Variants in MTHFD2L observed in about 807,000 individuals in gnomAD.
MTHFD2L encodes the protein bifunctional methylenetetrahydrofolate dehydrogenase/cyclohydrolase 2, mitochondrial.
Under a neutral mutation model 34.9 loss-of-function variants are expected in MTHFD2L, and 29 were observed. The observed-to-expected ratio is 0.83, with a 90% CI of 0.62 to 1.13. The LOEUF (loss-of-function observed/expected upper bound fraction) is 1.13. Ranked by LOEUF, MTHFD2L falls within the 50% of genes most tolerant of loss-of-function variation. MTHFD2L has a pLI of 0.00. For missense variants in MTHFD2L, 481 were observed against 446.5 expected (o/e 1.08, Z -0.70); for synonymous variants, 167 against 155.7 (o/e 1.07, Z -0.54).
At chr4:74,134,920 G>A (rs903913602) in intron 1 of MTHFD2L, among the ~76,000 whole-genome samples, 4 of 151,214 alleles carry the variant, frequency 2.6e-5, no homozygotes, top group Admixed American at 2.6e-4. Flanking sequence ...ACAGAGGAGA[G>A]AAAAGAAAAA....
intron 6 of MTHFD2L, among the ~76,000 whole-genome samples, chr4:74,257,008 T>C (rs1018011615): frequency 6.6e-6 from 1 of 152,208 alleles, no homozygotes; most frequent in Non-Finnish European, 1.5e-5. Flanking sequence ...ATGACATTGG[T>C]AGTTTCATAG....
At chr4:74,284,524 GTTGT>G (rs1465857193) in intron 7 of MTHFD2L, among the ~76,000 whole-genome samples, 6 of 151,324 alleles carry the variant, frequency 4.0e-5, no homozygotes, top group Admixed American at 1.3e-4. Context: ...TGTTGATGGG[GTTGT>G]TTGTTTTTTT....
chr4:74,221,883 A>G (rs1048371727), intron 5 of MTHFD2L, among the ~76,000 whole-genome samples: 5 of 151,668 alleles, frequency 3.3e-5, no homozygotes, highest in African/African-American at 1.2e-4. Context: ...ATTATATAGT[A>G]CTCTTAATTC....
At chr4:74,209,783 A>G (rs568082644) in intron 5 of MTHFD2L, among the ~76,000 whole-genome samples, 4 of 152,178 alleles carry the variant, frequency 2.6e-5, no homozygotes, top group Admixed American at 6.5e-5. Flanking sequence ...GTCTTCCACA[A>G]TGGTTGAACT....
At chr4:74,192,099 CT>C (rs1254062592) in intron 3 of MTHFD2L, among the ~76,000 whole-genome samples, 1 of 151,840 alleles carries the variant, frequency 6.6e-6, no homozygotes, top group Non-Finnish European at 1.5e-5. Flanking sequence ...AATTTCTGTC[CT>C]TTTGAGTAGC....
At chr4:74,129,189 C>A (rs1390844636) in intron 1 of MTHFD2L, among the ~76,000 whole-genome samples, 1 of 151,638 alleles carries the variant, frequency 6.6e-6, no homozygotes, top group Non-Finnish European at 1.5e-5. Flanking sequence ...AACTAAAAAA[C>A]AAAACTGTTC....
intron 7 of MTHFD2L, among the ~76,000 whole-genome samples, chr4:74,297,302 C>G (rs767917760): frequency 1.3e-5 from 2 of 152,052 alleles, no homozygotes; most frequent in Non-Finnish European, 2.9e-5. Context: ...TTATTTGTCT[C>G]AATTGTCAAA....
chr4:74,237,013 A>G (rs1578569983), intron 6 of MTHFD2L, among the ~76,000 whole-genome samples: 1 of 152,208 alleles, frequency 6.6e-6, no homozygotes, highest in Non-Finnish European at 1.5e-5. Context: ...ATGCCTTTAC[A>G]TTTTGTAAAA....
In MTHFD2L at chr4:74,258,654, A is replaced by G. The variant is rs373870770; in HGVS notation, c.806-22771A>G. On this transcript the variant is annotated intron_variant, in intron 6 of 7. Coordinates refer to ENST00000325278, the MANE Select transcript of MTHFD2L (RefSeq NM_001144978.3). ...TCAAGGGATGACTGTATATACACAC[A>G]CATAAAATTTATGGAATCGATACAA... Among the ~76,000 whole-genome samples the G allele has an allele frequency of 3.9e-4, 59 of 152,278 alleles. 2 individuals are homozygous for G. Among genetic ancestry groups the G allele is most frequent in the African/African-American group, 1.4e-3 (57 of 41,568 alleles).
At chr4:74,171,403 A>G (rs187487742) in intron 1 of MTHFD2L, among the ~76,000 whole-genome samples, 9 of 152,356 alleles carry the variant, frequency 5.9e-5, no homozygotes, top group African/African-American at 1.4e-4. Flanking sequence ...AAGGAATGCA[A>G]AGTTGCAAAG....
rs1184624979 is a variant in MTHFD2L at position 74,185,169 on chromosome 4, AAAAAAAAAAAT to A, written c.451+9767_451+9777del. Among the ~76,000 whole-genome samples, 14 of 150,612 alleles carry A rather than the reference AAAAAAAAAAAT, an allele frequency of 9.3e-5. 2 individuals are homozygous for A. Among genetic ancestry groups the A allele is most frequent in the African/African-American group, 3.4e-4 (14 of 40,868 alleles). ...TCCATCTCAAAAAAAAAAAAAAAAAAAAAAAAAAAATCTGGAAAATCCCTAAATATTTGAAA... is the reference window on the plus strand; with the variant it reads ...TCCATCTCAAAAAAAAAAAAAAAAAACTGGAAAATCCCTAAATATTTGAAA... On this transcript the variant is annotated intron_variant, in intron 3 of 7. Transcript: ENST00000325278.
At chr4:74,248,967 G>T (rs13122429) in intron 6 of MTHFD2L, among the ~76,000 whole-genome samples, 11 of 147,042 alleles carry the variant, frequency 7.5e-5, no homozygotes, top group East Asian at 2.0e-4. Context: ...GTTGATTTGG[G>T]GTGGAGAGTT....
At chr4:74,169,714 T>C (rs1727495349) in intron 1 of MTHFD2L, among the ~76,000 whole-genome samples, 1 of 152,196 alleles carries the variant, frequency 6.6e-6, no homozygotes, top group Non-Finnish European at 1.5e-5. Flanking sequence ...TAGTATTTGC[T>C]AATATAAAAG....
chr4:74,284,019 G>A (rs1019961699), intron 7 of MTHFD2L, among the ~76,000 whole-genome samples: 2 of 152,020 alleles, frequency 1.3e-5, no homozygotes, highest in African/African-American at 4.8e-5. Flanking sequence ...TGTGAGTATC[G>A]GTGAAAAGTT....
chr4:74,148,366 T>G (rs1723727326), intron 1 of MTHFD2L, among the ~76,000 whole-genome samples: 1 of 14,566 alleles, frequency 6.9e-5, no homozygotes, highest in Non-Finnish European at 1.5e-4. Context: ...TTTATTTATT[T>G]ATTTATTTAT....
At chr4:74,241,153 A>G (rs1246579) in intron 6 of MTHFD2L, among the ~76,000 whole-genome samples, 36,645 of 151,758 alleles carry the variant, frequency 0.24, 4,508 homozygotes, top group Admixed American at 0.28. Context: ...TAGAAAAGAA[A>G]CCCCTCTACC....
At chr4:74,177,873 ATAAAG>A (rs1729352744) in intron 3 of MTHFD2L, among the ~76,000 whole-genome samples, 1 of 151,998 alleles carries the variant, frequency 6.6e-6, no homozygotes, top group African/African-American at 2.4e-5. Context: ...GGCTGAATGG[ATAAAG>A]TAAATGTTGT....
At chr4:74,284,681 A>C (rs1747929835) in intron 7 of MTHFD2L, among the ~76,000 whole-genome samples, 2 of 152,104 alleles carry the variant, frequency 1.3e-5, no homozygotes, top group Non-Finnish European at 2.9e-5. Context: ...GAAGCTCTAA[A>C]AATCAGGAAA....
rs191553916 is a variant in MTHFD2L at position 74,212,926 on chromosome 4, T to C, written c.712+11556T>C. ...GGATAGTTAGCTCTTCCTATTTCAT[T>C]GATCCCTTTGCTATTATGTAATGCC... On this transcript the variant is annotated intron_variant, in intron 5 of 7. Transcript: ENST00000325278. Among the ~76,000 whole-genome samples the C allele has an allele frequency of 2.6e-5, 4 of 152,358 alleles. No individual in the cohort carries two copies. In the East Asian group the frequency reaches 5.8e-4, roughly 22 times the overall value.
Sources: allele counts gnomAD v4.1 joint callset (sites outside exome capture counted in the v4.1 genomes callset), GRCh38; gene constraint gnomAD v4.1.1; transcripts MANE v1.5; gene names NCBI Gene and HGNC (gene_info 2026-07-23, HGNC 2026-07-21).